The following SLC25A42 variants were observed in gnomAD, a reference collection of about 807,000 sequenced individuals.
SLC25A42 encodes mitochondrial coenzyme A transporter SLC25A42.
A neutral mutation model predicts 34.7 loss-of-function variants in SLC25A42; 19 were observed. The observed-to-expected ratio is 0.55, with a 90% CI of 0.38 to 0.80. The LOEUF is 0.80. Among genes scored for constraint, SLC25A42 ranks in the 30% least tolerant of loss-of-function variants. The probability of loss-of-function intolerance (pLI) is 0.00; values close to 1 mark genes in which losing one functional copy is unlikely to be tolerated. For synonymous variants in SLC25A42, 205 were observed against 191.2 expected (o/e 1.07, Z -0.59); for missense variants, 364 against 441.3 (o/e 0.82, Z 1.57).
At chr19:19,099,747 AT>A (rs1222041887) in intron 2 of SLC25A42, among the ~76,000 whole-genome samples, 2 of 150,956 alleles carry the variant, frequency 1.3e-5, no homozygotes, top group Non-Finnish European at 3.0e-5. Flanking sequence ...TTTATTTTTT[AT>A]TTTTTCAGAC....
chr19:19,088,744 C>T (rs1392404012), intron 1 of SLC25A42, among the ~76,000 whole-genome samples: 2 of 151,788 alleles, frequency 1.3e-5, no homozygotes, highest in Non-Finnish European at 2.9e-5. Context: ...GTGATCCCCC[C>T]GCTTTGGCCT....
At chr19:19,101,978 A>T in intron 3 of SLC25A42, 92 bp downstream of exon 3, 3 of 737,616 alleles carry the variant, frequency 4.1e-6, no homozygotes, top group Non-Finnish European at 6.6e-6. Context: ...ATTGGCTTTT[A>T]TTTTTAGATT....
In SLC25A42 at chr19:19,111,279, T is replaced by G; in HGVS notation, c.*403T>G. On this transcript the variant is annotated 3_prime_UTR_variant, in exon 8 of 8. Coordinates refer to ENST00000318596, the MANE Select transcript of SLC25A42 (RefSeq NM_178526.5). ...GCCAGACCGCGCCTGGACCTTCTTG[T>G]TCTGACTCCACGTGCCTGCCCGGCC... The G allele has an allele frequency of 4.7e-6, 1 of 212,604 alleles. No individual in the cohort carries two copies. The highest frequency in any genetic ancestry group is 9.5e-6 in the Non-Finnish European group (1 of 105,660). 13.2% of individuals were successfully genotyped at this position (212,604 alleles called of 1,614,324 possible).
chr19:19,102,530 G>C (rs978614492), intron 3 of SLC25A42, among the ~76,000 whole-genome samples: 4 of 151,958 alleles, frequency 2.6e-5, no homozygotes, highest in Non-Finnish European at 4.4e-5. Flanking sequence ...GATCACTTGA[G>C]GTCAGGAGTT....
intron 5 of SLC25A42, 51 bp downstream of exon 5, chr19:19,105,778 CT>C (rs1449079938): frequency 2.8e-6 from 4 of 1,444,298 alleles, no homozygotes; most frequent in South Asian, 1.4e-5. Context: ...ACGCCCGCCC[CT>C]CTCTCTTTCT....
At chr19:19,098,633 C>A (rs1276886965) in intron 2 of SLC25A42, among the ~76,000 whole-genome samples, 4 of 151,832 alleles carry the variant, frequency 2.6e-5, no homozygotes, top group African/African-American at 9.7e-5. Context: ...ACGTTAAGAG[C>A]CTTGGCTGGG....
chr19:19,071,554 C>T (rs2059630038), intron 1 of SLC25A42, among the ~76,000 whole-genome samples: 2 of 152,084 alleles, frequency 1.3e-5, no homozygotes, highest in Non-Finnish European at 2.9e-5. Flanking sequence ...AACTACATGG[C>T]AGAGCCAAGG....
At chr19:19,105,201 GCTA>G (rs2059819381) in intron 4 of SLC25A42, 1 of 578,644 alleles carries the variant, frequency 1.7e-6, no homozygotes, top group Non-Finnish European at 3.1e-6. Flanking sequence ...GAGAGCAGGT[GCTA>G]CTTTCTTAAT....
In SLC25A42 at chr19:19,103,219, G is replaced by A. The variant is rs1259124377; in HGVS notation, c.187+1333G>A. On this transcript the variant is annotated intron_variant, in intron 3 of 7. Coordinates refer to ENST00000318596, the MANE Select transcript of SLC25A42 (RefSeq NM_178526.5). ...AGCAATTTTCCTGCCTTAGCCTCCC[G>A]AGTAGCTGGGACAACAGGCACGCAC... Among the ~76,000 whole-genome samples the A allele has an allele frequency of 3.9e-5, 6 of 152,068 alleles. 1 individual carries two copies. Among genetic ancestry groups the A allele is most frequent in the African/African-American group, 4.8e-5 (2 of 41,472 alleles).
At position 19,089,500 on chromosome 19, in the gene SLC25A42, C is replaced by G. The variant is rs1298910387; in HGVS notation, c.-34-6591C>G. On this transcript the variant is annotated intron_variant, in intron 1 of 7. Transcript: ENST00000318596. ...CTGAGATCGCAGCAGTGCACTCCAG[C>G]CTGGGTGACAGAGCAAGACTCCATC... Among the ~76,000 whole-genome samples, 5 of 150,898 alleles carry G rather than the reference C, an allele frequency of 3.3e-5. No homozygotes were observed. The East Asian group carries it at 9.7e-4, about 29-fold the overall frequency.
chr19:19,070,581 C>A (rs1463313873), intron 1 of SLC25A42, among the ~76,000 whole-genome samples: 1 of 152,146 alleles, frequency 6.6e-6, no homozygotes, highest in Non-Finnish European at 1.5e-5. Context: ...AGATGTGAAC[C>A]ACTCCCGGCC....
chr19:19,079,112 A>G (rs2059669193), intron 1 of SLC25A42, among the ~76,000 whole-genome samples: 2 of 150,994 alleles, frequency 1.3e-5, no homozygotes, highest in African/African-American at 2.4e-5. Flanking sequence ...CTGGAGTGCA[A>G]TGGCGCAATC....
At chr19:19,072,255 C>G (rs965029393) in intron 1 of SLC25A42, among the ~76,000 whole-genome samples, 1 of 152,256 alleles carries the variant, frequency 6.6e-6, no homozygotes, top group Non-Finnish European at 1.5e-5. Context: ...TGCCCCAGCC[C>G]TGTCTGATTC....
intron 2 of SLC25A42, 33 bp from the exon 3 acceptor site, chr19:19,101,748 C>T: frequency 6.3e-7 from 1 of 1,584,266 alleles, no homozygotes; most frequent in Non-Finnish European, 8.6e-7. Context: ...CGCCCCCCTG[C>T]CCTCTGACCT....
At chr19:19,084,271 T>C (rs2059695763) in intron 1 of SLC25A42, among the ~76,000 whole-genome samples, 1 of 152,186 alleles carries the variant, frequency 6.6e-6, no homozygotes, top group African/African-American at 2.4e-5. Context: ...ATCTGCATAG[T>C]CAGGTTTGGG....
chr19:19,077,933 G>T (rs903638844), intron 1 of SLC25A42, among the ~76,000 whole-genome samples: 1 of 152,182 alleles, frequency 6.6e-6, no homozygotes, highest in Admixed American at 6.5e-5. Flanking sequence ...CCTGGCTTCT[G>T]CCTCTTCACT....
chr19:19,067,588 T>TA (rs1261722183), intron 1 of SLC25A42, among the ~76,000 whole-genome samples: 1 of 151,940 alleles, frequency 6.6e-6, no homozygotes, highest in Non-Finnish European at 1.5e-5. Flanking sequence ...GTTTTTCTGT[T>TA]AAAAAAAATT....
chr19:19,091,331 G>A (rs371013709), intron 1 of SLC25A42, among the ~76,000 whole-genome samples: 12 of 152,110 alleles, frequency 7.9e-5, no homozygotes, highest in African/African-American at 2.4e-4. Context: ...GGTGGTGCGC[G>A]CCTATAATCC....
rs2059822800 is a variant in SLC25A42, at chr19:19,105,720, C to T, written c.373C>T (p.Arg125Cys). 1 of 1,575,520 alleles carries T rather than the reference C, an allele frequency of 6.3e-7. No individual in the cohort carries two copies. Among genetic ancestry groups the T allele is most frequent in the Non-Finnish European group, 8.6e-7 (1 of 1,157,862 alleles). Residue 125 changes from arginine to cysteine, a missense_variant, in exon 5 of 8, where the codon CGT becomes TGT. Arg to Cys is a radical substitution (Grantham distance 180). Transcript: ENST00000318596. ...CATCCTGGGCAGCTACTATGGCTTCCGTGGAGAGTGAGGCCCCGCCCCGCC... is the reference window on the plus strand; with the variant it reads ...CATCCTGGGCAGCTACTATGGCTTCTGTGGAGAGTGAGGCCCCGCCCCGCC... ...KRILGSYYGF[R>C]GEALPPWPRL...
Sources: gnomAD v4.1 joint callset for allele counts (sites outside exome capture counted in the v4.1 genomes callset) on GRCh38, gnomAD v4.1.1 for gene constraint, MANE v1.5 for transcripts, NCBI Gene and HGNC (gene_info 2026-07-23, HGNC 2026-07-21) for gene names.